Variants in CLMN observed in about 807,000 individuals in gnomAD.
CLMN encodes the protein calmin (calponin-like, transmembrane).
A neutral mutation model predicts 92.7 loss-of-function variants in CLMN; 57 were observed. The observed-to-expected ratio is 0.61, with a 90% CI of 0.50 to 0.77. The LOEUF is 0.77. Among genes scored for constraint, CLMN ranks in the 30% least tolerant of loss-of-function variants. The probability of loss-of-function intolerance (pLI) is 0.00; values close to 1 mark genes in which losing one functional copy is unlikely to be tolerated. For missense variants in CLMN, 1,158 were observed against 1,237.5 expected, an observed-to-expected ratio of 0.94 and a Z score of 0.96; for synonymous variants, 466 against 470.6, an observed-to-expected ratio of 0.99 and a Z score of 0.13.
intron 10 of CLMN, among the ~76,000 whole-genome samples, chr14:95,196,119 T>C (rs1896704289): frequency 6.6e-6 from 1 of 152,228 alleles, no homozygotes; most frequent in African/African-American, 2.4e-5. Context: ...AAGATGCTTA[T>C]AAAGTGAAGT....
At chr14:95,241,380 T>C (rs1249109905) in intron 1 of CLMN, among the ~76,000 whole-genome samples, 1 of 152,034 alleles carries the variant, frequency 6.6e-6, no homozygotes, top group South Asian at 2.1e-4. Flanking sequence ...CAGGAGAGCA[T>C]GCCCCAGGGG....
At chr14:95,319,303 TCACACACACACACA>T (rs60670197) in intron 1 of CLMN, among the ~76,000 whole-genome samples, 8 of 144,106 alleles carry the variant, frequency 5.6e-5, no homozygotes, top group Non-Finnish European at 9.1e-5. Context: ...GTGCGCGAAC[TCACACACACACACA>T]CACACACACA....
intron 2 of CLMN, among the ~76,000 whole-genome samples, chr14:95,225,047 TCA>T (rs1209963598): frequency 6.6e-6 from 1 of 152,078 alleles, no homozygotes; most frequent in Non-Finnish European, 1.5e-5. Context: ...ACTCAAAGGT[TCA>T]GAGGTCGATT....
chr14:95,243,719 A>ATTTTTTTT (rs35698997), intron 1 of CLMN, among the ~76,000 whole-genome samples: 31 of 139,478 alleles, frequency 2.2e-4, no homozygotes, highest in African/African-American at 7.9e-4. Flanking sequence ...AATCTCCTCT[A>ATTTTTTTT]TTTTTTTTTT....
At chr14:95,272,321 G>T (rs1056792559) in intron 1 of CLMN, among the ~76,000 whole-genome samples, 1 of 152,146 alleles carries the variant, frequency 6.6e-6, no homozygotes, top group East Asian at 1.9e-4. Context: ...AGAGGAGGAG[G>T]AGGGTATTAG....
rs10129602 is a variant in CLMN at position 95,256,049 on chromosome 14, G to T, written c.83-25916C>A. Among the ~76,000 whole-genome samples the T allele has an allele frequency of 6.6e-6, 1 of 152,052 alleles. No individual in the cohort carries two copies. The highest frequency in any genetic ancestry group is 1.5e-5 in the Non-Finnish European group (1 of 68,030). On this transcript the variant is annotated intron_variant, in intron 1 of 12. Transcript: ENST00000298912. The surrounding 1 kb of genome is among the most constrained non-coding windows in gnomAD (Gnocchi z 4.9). The stretch of plus-strand genomic sequence containing the variant: ...CCATTTTACAAATGAGGAAACTGAG[G>T]CACAGAAAGCTTAACGAACTTGCCT...
chr14:95,284,603 A>G (rs1027577090), intron 1 of CLMN, among the ~76,000 whole-genome samples: 13 of 152,278 alleles, frequency 8.5e-5, no homozygotes, highest in African/African-American at 3.1e-4. Flanking sequence ...ATCTGGAGTC[A>G]AAGATCATTT....
chr14:95,269,850 C>T (rs888235381), intron 1 of CLMN, among the ~76,000 whole-genome samples: 37 of 152,174 alleles, frequency 2.4e-4, no homozygotes, highest in Admixed American at 6.5e-4. Flanking sequence ...TCCGGCCTGG[C>T]CCCTGCACCT....
intron 1 of CLMN, among the ~76,000 whole-genome samples, chr14:95,315,995 A>T (rs1901751970): frequency 6.6e-6 from 1 of 151,982 alleles, no homozygotes; most frequent in African/African-American, 2.4e-5. Context: ...CTGGCCTGAC[A>T]CCCCTTTTTG....
At chr14:95,217,379 C>T (rs1365908551) in intron 4 of CLMN, among the ~76,000 whole-genome samples, 1 of 152,178 alleles carries the variant, frequency 6.6e-6, no homozygotes, top group East Asian at 1.9e-4. Flanking sequence ...ATCATTTAGG[C>T]CTGGGCTTGC....
rs1424812922 is a variant in CLMN at position 95,319,595 on chromosome 14, A to T, written c.82+116T>A. 134 of 835,254 alleles carry T rather than the reference A, an allele frequency of 1.6e-4. No individual in the cohort carries two copies. The East Asian group carries it at 4.2e-3, about 26-fold the overall frequency. The allele number at this position is 835,254 out of a possible 1,614,324, so 51.7% of individuals were successfully genotyped here. On this transcript the variant is annotated intron_variant, in intron 1 of 12. Transcript: ENST00000298912. ...AGCCTCCCACCTCGAGGCAAGTGAC[A>T]GGAACAACGAGCGGCCGGCGAGCGG... is the stretch of plus-strand genomic sequence containing the variant.
intron 1 of CLMN, among the ~76,000 whole-genome samples, chr14:95,267,569 TC>T (rs1160466410): frequency 1.3e-5 from 2 of 152,146 alleles, no homozygotes; most frequent in Non-Finnish European, 2.9e-5. Context: ...AGGGGAGCCC[TC>T]ATACACTGTT....
intron 1 of CLMN, chr14:95,307,819 C>A: frequency 6.6e-6 from 1 of 152,328 alleles, no homozygotes; most frequent in Non-Finnish European, 1.5e-5. Flanking sequence ...CCAGAAAGGC[C>A]TGGTGAGTCT....
intron 1 of CLMN, among the ~76,000 whole-genome samples, chr14:95,275,071 T>C (rs1231421261): frequency 2.0e-5 from 3 of 151,166 alleles, no homozygotes; most frequent in Admixed American, 6.6e-5. Context: ...TGGAGGTACA[T>C]ATACCCAAGA....
chr14:95,226,505 CA>C (rs1373330643), intron 2 of CLMN, among the ~76,000 whole-genome samples: 6 of 152,110 alleles, frequency 3.9e-5, no homozygotes, highest in Non-Finnish European at 5.9e-5. Context: ...ACTGTCTAAA[CA>C]AGCTTGATAA....
At chr14:95,239,806 T>C (rs549777089) in intron 1 of CLMN, among the ~76,000 whole-genome samples, 1 of 152,352 alleles carries the variant, frequency 6.6e-6, no homozygotes, top group Admixed American at 6.5e-5. Context: ...AATCGCAACG[T>C]TCTTACAGAA....
rs1899180009 is a variant in CLMN, at chr14:95,259,846, C to T, written c.83-29713G>A. Among the ~76,000 whole-genome samples, 1 of 152,236 alleles carries T rather than the reference C, an allele frequency of 6.6e-6. No homozygotes were observed. The highest frequency in any genetic ancestry group is 1.9e-4 in the East Asian group (1 of 5,196). On this transcript the variant is annotated intron_variant, in intron 1 of 12. Coordinates refer to ENST00000298912, the MANE Select transcript of CLMN (RefSeq NM_024734.4). This position sits in a 1 kb window ranked among gnomAD's most constrained non-coding sequence, Gnocchi z 4.3. Reference sequence around the variant, plus strand: ...GCTGCACCTGCGTTTCCTCTCCCCACACCCACCTGGACGGCTATTCCCTTG... The same window carrying T: ...GCTGCACCTGCGTTTCCTCTCCCCATACCCACCTGGACGGCTATTCCCTTG...
Position 95,303,698 on chromosome 14 carries a change from C to G in CLMN, c.82+16013G>C, listed in dbSNP as rs139280031. Among the ~76,000 whole-genome samples the G allele has an allele frequency of 6.3e-3, 957 of 152,330 alleles. 15 individuals are homozygous for G. Among genetic ancestry groups the G allele is most frequent in the African/African-American group, 0.022 (922 of 41,576 alleles). ...GTCAAAATGGAATGAACATAGCCAG[C>G]AGGCATCTGCAGACTTGGAATCTCC... On this transcript the variant is annotated intron_variant, in intron 1 of 12. Coordinates refer to ENST00000298912, the MANE Select transcript of CLMN (RefSeq NM_024734.4).
chr14:95,276,497 T>A (rs1261783492), intron 1 of CLMN, among the ~76,000 whole-genome samples: 1 of 152,222 alleles, frequency 6.6e-6, no homozygotes, highest in African/African-American at 2.4e-5. Context: ...AAAGATCCTT[T>A]AGGGACTGAC....
Sources: allele counts gnomAD v4.1 joint callset (sites outside exome capture counted in the v4.1 genomes callset), GRCh38; gene constraint gnomAD v4.1.1; non-coding constraint Gnocchi (gnomAD v3.1); transcripts MANE v1.5; gene names NCBI Gene and HGNC (gene_info 2026-07-23, HGNC 2026-07-21).